Variants in CTDP1 observed in about 807,000 individuals in gnomAD.
CTDP1 encodes CTD phosphatase 1, also known as RNA polymerase II subunit A C-terminal domain phosphatase.
In CTDP1, 47 loss-of-function variants were observed where a neutral mutation model predicts 91.8. The observed-to-expected ratio is 0.51, with a 90% CI of 0.41 to 0.65. The LOEUF is 0.65. Ranked by LOEUF, CTDP1 falls within the 30% of genes least tolerant of loss-of-function variation. CTDP1 has a pLI of 0.00. For synonymous variants in CTDP1, 656 were observed against 598.5 expected (o/e 1.10, Z -1.40); for missense variants, 1,272 against 1,373.7 (o/e 0.93, Z 1.17).
chr18:79,750,603 C>T (rs980754837), intron 12 of CTDP1, among the ~76,000 whole-genome samples: 1 of 150,874 alleles, frequency 6.6e-6, no homozygotes, highest in Admixed American at 6.6e-5. Context: ...AAACAATTCT[C>T]GTGCCCCGGC....
chr18:79,715,257 T>C lies in CTDP1; in HGVS notation c.1797T>C (p.Arg599=). The C allele has an allele frequency of 1.9e-6, 3 of 1,610,600 alleles. No homozygotes were observed. The highest frequency in any genetic ancestry group is 2.5e-6 in the Non-Finnish European group (3 of 1,178,518). ...HLIYLEEILV[R]VHTDYYAKYD... is the part of the protein sequence containing the mutation. ...TCTACCTGGAGGAGATCCTGGTCCG[T>C]GTACACACTGACTACTATGCCAAGT... Residue 599 remains arginine, a synonymous_variant, in exon 8 of 13, where the codon CGT becomes CGC. Coordinates refer to ENST00000613122, the MANE Select transcript of CTDP1 (RefSeq NM_004715.5).
intron 11 of CTDP1, among the ~76,000 whole-genome samples, chr18:79,733,728 C>T (rs568893479): frequency 2.2e-4 from 33 of 152,278 alleles, no homozygotes; most frequent in Admixed American, 2.1e-3. Flanking sequence ...TCTTGTTTCC[C>T]GTCCTCTCTC....
chr18:79,698,275 G>A (rs780125902), intron 4 of CTDP1, among the ~76,000 whole-genome samples: 29 of 152,130 alleles, frequency 1.9e-4, no homozygotes, highest in Non-Finnish European at 2.1e-4. Flanking sequence ...AGGCAGAAAC[G>A]TCCCGAGCCT....
chr18:79,750,668 CTTT>C (rs749153854), intron 12 of CTDP1, among the ~76,000 whole-genome samples: 12 of 94,224 alleles, frequency 1.3e-4, no homozygotes, highest in Admixed American at 2.3e-4. Flanking sequence ...TAATTTTTTG[CTTT>C]TTTTTTTTTT....
rs763053751 is a variant in CTDP1 at position 79,717,983 on chromosome 18, C to G, written c.2384C>G (p.Ser795Cys). 1.4e-5 allele frequency: 23 copies of G among 1,613,466 alleles called. No individual in the cohort carries two copies. In the South Asian group the frequency reaches 1.5e-4, roughly 11 times the overall value. ...CGGGGGCCCCCAGCACCCTCCAGCTCCCTACCCATCCGCCAGGAGCCCTCT... is the reference window on the plus strand; with the variant it reads ...CGGGGGCCCCCAGCACCCTCCAGCTGCCTACCCATCCGCCAGGAGCCCTCT... ...GARGPPAPSS[S>C]LPIRQEPSSF... Residue 795 changes from serine to cysteine, a missense_variant, in exon 10 of 13, where the codon TCC becomes TGC. Transcript: ENST00000613122.
chr18:79,701,293 G>A (rs1455182821), intron 4 of CTDP1, among the ~76,000 whole-genome samples: 5 of 151,990 alleles, frequency 3.3e-5, no homozygotes, highest in Non-Finnish European at 7.4e-5. Flanking sequence ...GGTGGATCAC[G>A]AGGTCAGGAG....
At chr18:79,719,588 C>T (rs893684507) in intron 10 of CTDP1, among the ~76,000 whole-genome samples, 4 of 151,338 alleles carry the variant, frequency 2.6e-5, no homozygotes, top group African/African-American at 4.9e-5. Flanking sequence ...CTGGTGATGT[C>T]ACTTCCCATT....
intron 6 of CTDP1, 130 bp from the exon 7 acceptor site, chr18:79,712,842 G>A (rs2086110800): frequency 2.1e-6 from 2 of 930,822 alleles, no homozygotes; most frequent in Admixed American, 4.0e-5. Context: ...GGGGCGGTTG[G>A]TGTCCGTCTG....
upstream of CTDP1, chr18:79,678,977 T>TGGCC (rs1327451821): frequency 1.3e-5 from 3 of 231,596 alleles, no homozygotes; most frequent in African/African-American, 7.2e-5. Flanking sequence ...ACTACAGGCC[T>TGGCC]GGCCGCCCGC....
chr18:79,701,134 GTT>G (rs2085847877), intron 4 of CTDP1, among the ~76,000 whole-genome samples: 2 of 152,206 alleles, frequency 1.3e-5, no homozygotes, highest in South Asian at 4.1e-4. Flanking sequence ...GAGGAATGTT[GTT>G]TTCATGCTGC....
At chr18:79,716,476 G>A (rs1386174971) in intron 8 of CTDP1, among the ~76,000 whole-genome samples, 4 of 152,210 alleles carry the variant, frequency 2.6e-5, no homozygotes, top group Admixed American at 1.3e-4. Context: ...CGGGCTTTCC[G>A]TGGAGCCCAG....
In CTDP1 at chr18:79,747,682, C is replaced by A. The variant is rs11081558; in HGVS notation, c.2748-5970C>A. 2.0e-5 allele frequency among the ~76,000 whole-genome samples: 3 copies of A among 152,286 alleles called. No individual in the cohort carries two copies. In the East Asian group the frequency reaches 5.8e-4, roughly 29 times the overall value. ...TGCACTGGGGAAATTATCCGCCATG[C>A]GCAGCGCCTCCTGCAGGTGTCCGGT... On this transcript the variant is annotated intron_variant, in intron 12 of 12. Coordinates refer to ENST00000613122, the MANE Select transcript of CTDP1 (RefSeq NM_004715.5).
At chr18:79,741,730 C>T (rs896627329) in intron 12 of CTDP1, among the ~76,000 whole-genome samples, 2 of 152,244 alleles carry the variant, frequency 1.3e-5, no homozygotes, top group South Asian at 4.1e-4. Flanking sequence ...CAGGGTCCTT[C>T]TGAGGTTCAC....
At chr18:79,711,300 G>A (rs1474124338) in intron 6 of CTDP1, among the ~76,000 whole-genome samples, 1 of 152,114 alleles carries the variant, frequency 6.6e-6, no homozygotes, top group African/African-American at 2.4e-5. Context: ...ATTCCTATGC[G>A]AAGACCTGGC....
chr18:79,750,179 G>A (rs1037076079), intron 12 of CTDP1, among the ~76,000 whole-genome samples: 4 of 152,222 alleles, frequency 2.6e-5, no homozygotes, highest in Admixed American at 1.3e-4. Flanking sequence ...GAAAAGGTGC[G>A]CGGAGATTTT....
intron 12 of CTDP1, among the ~76,000 whole-genome samples, chr18:79,747,353 C>G (rs572382683): frequency 6.6e-6 from 1 of 152,332 alleles, no homozygotes; most frequent in Non-Finnish European, 1.5e-5. Flanking sequence ...AATGTTCACA[C>G]CCAGAGCTGT....
chr18:79,690,717 G>C (rs762275930), intron 1 of CTDP1, among the ~76,000 whole-genome samples: 11 of 152,192 alleles, frequency 7.2e-5, no homozygotes, highest in Non-Finnish European at 1.6e-4. Context: ...GCCTGGCTGG[G>C]AGCATCCTGC....
chr18:79,704,763 T>C lies in CTDP1; in HGVS notation c.622-4T>C. On this transcript the variant is annotated splice_region_variant and splice_polypyrimidine_tract_variant and intron_variant, in intron 4 of 12. Coordinates refer to ENST00000613122, the MANE Select transcript of CTDP1 (RefSeq NM_004715.5). The stretch of plus-strand genomic sequence containing the variant: ...CTCCCGACTGTTGCTACTATTCTTT[T>C]TAGGGCATCTTTCACTTCCAGCTGG... 2 of 1,613,540 alleles carry C rather than the reference T, an allele frequency of 1.2e-6. No individual in the cohort carries two copies. The highest frequency in any genetic ancestry group is 1.7e-6 in the Non-Finnish European group (2 of 1,180,042).
chr18:79,704,685 G>T, intron 4 of CTDP1, 82 bp from the exon 5 acceptor site: 1 of 1,559,108 alleles, frequency 6.4e-7, no homozygotes, highest in Non-Finnish European at 8.8e-7. Context: ...TTCTCAGGAT[G>T]CCTGTCTCGG....
Sources: gnomAD v4.1 joint callset for allele counts (sites outside exome capture counted in the v4.1 genomes callset) on GRCh38, gnomAD v4.1.1 for gene constraint, MANE v1.5 for transcripts, NCBI Gene and HGNC (gene_info 2026-07-23, HGNC 2026-07-21) for gene names.